PRRC1: variants seen among roughly 807,000 people sequenced by gnomAD.
PRRC1 encodes the protein protein PRRC1.
A neutral mutation model predicts 40.7 loss-of-function variants in PRRC1; 39 were observed. The observed-to-expected ratio is 0.96, with a 90% CI of 0.74 to 1.25. The LOEUF (loss-of-function observed/expected upper bound fraction) is 1.25. PRRC1 is among the 50% of genes most tolerant of loss of function. PRRC1 has a pLI of 0.00. For missense variants in PRRC1, 573 were observed against 548.3 expected, an observed-to-expected ratio of 1.05 and a Z score of -0.45; for synonymous variants, 175 against 193.3, an observed-to-expected ratio of 0.91 and a Z score of 0.79.
chr5:127,545,916 TTTGC>T (rs35258721), intron 7 of PRRC1, among the ~76,000 whole-genome samples: 45,345 of 151,720 alleles, frequency 0.3, 7,067 homozygotes, highest in East Asian at 0.54. Flanking sequence ...ATTATATGTA[TTTGC>T]TTGCTTGCTT....
At chr5:127,541,117 T>G (rs1251595758) in intron 7 of PRRC1, among the ~76,000 whole-genome samples, 1 of 152,250 alleles carries the variant, frequency 6.6e-6, no homozygotes, top group Non-Finnish European at 1.5e-5. Context: ...CTTTTCTGCA[T>G]CTATTGAGAT....
At chr5:127,527,229 A>T (rs1767642242) in intron 4 of PRRC1, among the ~76,000 whole-genome samples, 1 of 152,106 alleles carries the variant, frequency 6.6e-6, no homozygotes. Flanking sequence ...GTATGTGTTT[A>T]TTATGCACAA....
intron 4 of PRRC1, among the ~76,000 whole-genome samples, chr5:127,529,602 C>T (rs946318944): frequency 6.6e-6 from 1 of 152,082 alleles, no homozygotes; most frequent in African/African-American, 2.4e-5. Flanking sequence ...AGTCAGATGC[C>T]ATCTCAGGAG....
intron 1 of PRRC1, among the ~76,000 whole-genome samples, chr5:127,518,511 A>G (rs1341304846): frequency 6.6e-6 from 1 of 152,256 alleles, no homozygotes; most frequent in African/African-American, 2.4e-5. Flanking sequence ...ATCGTGACAC[A>G]TCTTGGCATT....
rs184967899 is a variant in PRRC1 at position 127,546,079 on chromosome 5, C to T, written c.1026-1740C>T. Among the ~76,000 whole-genome samples the T allele has an allele frequency of 6.3e-4, 96 of 152,238 alleles. 1 individual carries two copies. Among genetic ancestry groups the T allele is most frequent in the African/African-American group, 2.3e-3 (95 of 41,542 alleles). ...CTCTTTGTAGGACCTTAATTACATG[C>T]CCATTCACCTTTGACAGTGTCTCAC... On this transcript the variant is annotated intron_variant, in intron 7 of 8. Coordinates refer to ENST00000296666, the MANE Select transcript of PRRC1 (RefSeq NM_130809.5).
At chr5:127,533,494 C>A in intron 5 of PRRC1, 129 bp from the exon 6 acceptor site, 1 of 830,214 alleles carries the variant, frequency 1.2e-6, no homozygotes, top group Non-Finnish European at 1.8e-6. Flanking sequence ...AGATAATGAT[C>A]TATATCTTGC....
intron 5 of PRRC1, 21 bp from the exon 6 acceptor site, chr5:127,533,602 A>G: frequency 2.5e-6 from 4 of 1,596,798 alleles, no homozygotes; most frequent in Non-Finnish European, 3.4e-6. Flanking sequence ...TGAAAGTTAA[A>G]TTTTCCTCTG....
intron 1 of PRRC1, among the ~76,000 whole-genome samples, chr5:127,522,872 G>A (rs946449849): frequency 2.0e-5 from 3 of 152,060 alleles, no homozygotes; most frequent in Non-Finnish European, 4.4e-5. Flanking sequence ...CTGGGTTCAA[G>A]GCATCTTCTC....
At chr5:127,523,680 A>C in intron 2 of PRRC1, 98 bp downstream of exon 2, 1 of 569,206 alleles carries the variant, frequency 1.8e-6, no homozygotes, top group Non-Finnish European at 2.9e-6. Context: ...ATATATTAAA[A>C]CTTCTCTATT....
Position 127,524,599 on chromosome 5 carries a change from A to C in PRRC1, c.172A>C (p.Thr58Pro), listed in dbSNP as rs373321610. ...MESFPPLAYS[T>P]PQPPLPPVRP... ...GTCCTTCCCACCACTCGCATACTCT[A>C]CTCCTCAGCCGCCCCTTCCTCCTGT... The change falls in exon 3 of 9, where the codon ACT (threonine) becomes CCT (proline). Residue 58 changes from threonine to proline, a missense_variant. Transcript: ENST00000296666. The C allele has an allele frequency of 6.2e-7, 1 of 1,613,438 alleles. No individual in the cohort carries two copies. The highest frequency in any genetic ancestry group is 8.5e-7 in the Non-Finnish European group (1 of 1,179,876).
chr5:127,546,543 T>C (rs1004275420), intron 7 of PRRC1, among the ~76,000 whole-genome samples: 4 of 152,176 alleles, frequency 2.6e-5, no homozygotes, highest in African/African-American at 2.4e-5. Flanking sequence ...TATAATAATA[T>C]ACACAATTGT....
intron 5 of PRRC1, 136 bp downstream of exon 5, chr5:127,530,532 TTTAA>T (rs1472657544): frequency 3.5e-5 from 17 of 489,228 alleles, no homozygotes; most frequent in Non-Finnish European, 4.6e-5. Flanking sequence ...CTTGCATTAA[TTTAA>T]TTGTCAGTCT....
Position 127,551,980 on chromosome 5 carries a change from T to C in PRRC1, c.*64T>C, listed in dbSNP as rs1383675461. Reference sequence around the variant, plus strand: ...TTTAGCTTGATGTTAAAGAAGTGGTTGTACCTTCCTAAATCGAATAGTCTA... The same window carrying C: ...TTTAGCTTGATGTTAAAGAAGTGGTCGTACCTTCCTAAATCGAATAGTCTA... On this transcript the variant is annotated 3_prime_UTR_variant, in exon 9 of 9. Transcript: ENST00000296666. 2 of 1,602,302 alleles carry C rather than the reference T, an allele frequency of 1.2e-6. No homozygotes were observed. The highest frequency in any genetic ancestry group is 1.7e-6 in the Non-Finnish European group (2 of 1,173,558).
Position 127,553,662 on chromosome 5 carries a change from C to T in PRRC1, c.*1746C>T, listed in dbSNP as rs1383054021. On this transcript the variant is annotated 3_prime_UTR_variant, in exon 9 of 9. Transcript: ENST00000296666. ...TTAAAATAGTTCTGCTACTTTCCCT[C>T]CTATTATAAGGAAATCTTACAGATT... is the stretch of plus-strand genomic sequence containing the variant. 2 of 1,454,806 alleles carry T rather than the reference C, an allele frequency of 1.4e-6. No homozygotes were observed. The highest frequency in any genetic ancestry group is 5.2e-5 in the East Asian group (2 of 38,398). 90.1% of individuals were successfully genotyped at this position (1,454,806 alleles called of 1,614,324 possible). A position where few individuals can be genotyped will look rare whatever the true frequency, so the allele number is the denominator to read the frequency against.
At chr5:127,541,083 G>A (rs570489161) in intron 7 of PRRC1, among the ~76,000 whole-genome samples, 1 of 152,300 alleles carries the variant, frequency 6.6e-6, no homozygotes, top group African/African-American at 2.4e-5. Flanking sequence ...TTAGCATGAA[G>A]AGTTGTTGAA....
At chr5:127,531,617 C>CTTTTTTTTTTTTTTTTT (rs60179366) in intron 5 of PRRC1, among the ~76,000 whole-genome samples, 24 of 99,648 alleles carry the variant, frequency 2.4e-4, no homozygotes, top group African/African-American at 1.0e-3. Flanking sequence ...TCTTCTTCTT[C>CTTTTTTTTTTTTTTTTT]TTTTTTTTTT....
In PRRC1 at chr5:127,524,568, C is replaced by T; in HGVS notation, c.141C>T (p.Ser47=). 1 of 1,613,800 alleles carries T rather than the reference C, an allele frequency of 6.2e-7. No homozygotes were observed. Among genetic ancestry groups the T allele is most frequent in the African/African-American group, 1.3e-5 (1 of 75,028 alleles). ...CTTTTTCTTCTCCAAATGTATCCTCCATGGAGTCCTTCCCACCACTCGCAT... is the reference window on the plus strand; with the variant it reads ...CTTTTTCTTCTCCAAATGTATCCTCTATGGAGTCCTTCCCACCACTCGCAT... ...TSSFSSPNVS[S]MESFPPLAYS... Residue 47 remains serine, a synonymous_variant, in exon 3 of 9, where the codon TCC becomes TCT. Coordinates refer to ENST00000296666, the MANE Select transcript of PRRC1 (RefSeq NM_130809.5).
At chr5:127,546,675 T>C (rs576158292) in intron 7 of PRRC1, among the ~76,000 whole-genome samples, 1 of 152,280 alleles carries the variant, frequency 6.6e-6, no homozygotes, top group East Asian at 1.9e-4. Context: ...TCCTCATACC[T>C]TCAGTAACAC....
At chr5:127,522,365 A>G (rs1767481096) in intron 1 of PRRC1, among the ~76,000 whole-genome samples, 1 of 152,188 alleles carries the variant, frequency 6.6e-6, no homozygotes, top group South Asian at 2.1e-4. Context: ...AAAATTGTGA[A>G]TTAATGCTTT....
Sources: allele counts gnomAD v4.1 joint callset (sites outside exome capture counted in the v4.1 genomes callset), GRCh38; gene constraint gnomAD v4.1.1; transcripts MANE v1.5; gene names NCBI Gene and HGNC (gene_info 2026-07-23, HGNC 2026-07-21).